Variants in METTL22 observed in about 807,000 individuals in gnomAD.
The protein encoded by METTL22 is methyltransferase 22, Kin17 lysine.
Under a neutral mutation model 48.4 loss-of-function variants are expected in METTL22, and 51 were observed. That is an observed-to-expected ratio of 1.05 (90% CI 0.84 to 1.33). The LOEUF (loss-of-function observed/expected upper bound fraction) is 1.33. METTL22 is among the 40% of genes most tolerant of loss of function. The probability of loss-of-function intolerance (pLI) is 0.00; values close to 1 mark genes in which losing one functional copy is unlikely to be tolerated. For synonymous variants in METTL22, 255 were observed against 214.1 expected (o/e 1.19, Z -1.67); for missense variants, 678 against 526.9 (o/e 1.29, Z -2.81).
intron 1 of METTL22, among the ~76,000 whole-genome samples, chr16:8,622,395 C>T (rs2141666376): frequency 6.6e-6 from 1 of 152,258 alleles, no homozygotes; most frequent in African/African-American, 2.4e-5. Context: ...CAGTCTAGCC[C>T]CCACAGCCTT....
At chr16:8,623,905 G>A (rs896196401) in intron 1 of METTL22, 3 of 152,278 alleles carry the variant, frequency 2.0e-5, no homozygotes, top group African/African-American at 7.2e-5. Context: ...GGTAGGAACA[G>A]CTCCTATAGG....
chr16:8,628,546 C>A (rs939915747), intron 2 of METTL22, among the ~76,000 whole-genome samples, 184 bp from the exon 3 acceptor site: 2 of 151,902 alleles, frequency 1.3e-5, no homozygotes, highest in Admixed American at 1.3e-4. Context: ...GGTGGTGGCC[C>A]CAGCCTCCTG....
rs376519641 is a variant in METTL22, at chr16:8,642,477, G to T, written c.922G>T (p.Asp308Tyr). 1 of 1,614,162 alleles carries T rather than the reference G, an allele frequency of 6.2e-7. No homozygotes were observed. The part of the protein sequence containing the change: ...LFAAEVFYDD[D>Y]LTDAVFKTLS... ...GCTTCCCACAGTGTTTTACGACGACGACTTGACTGATGCTGTGTTTAAAAC... is the reference window on the plus strand; with the variant it reads ...GCTTCCCACAGTGTTTTACGACGACTACTTGACTGATGCTGTGTTTAAAAC... Residue 308 changes from aspartate (D) to tyrosine (Y), a missense_variant, in exon 9 of 11, where the codon GAC becomes TAC. Coordinates refer to ENST00000381920, the MANE Select transcript of METTL22 (RefSeq NM_024109.4).
At chr16:8,645,361 G>C (rs938603183) in intron 10 of METTL22, among the ~76,000 whole-genome samples, 1 of 152,198 alleles carries the variant, frequency 6.6e-6, no homozygotes, top group Admixed American at 6.5e-5. Context: ...GTGTGGTTTT[G>C]TGTGCGAGGA....
chr16:8,643,803 G>A (rs906324272), intron 9 of METTL22, among the ~76,000 whole-genome samples: 1 of 152,110 alleles, frequency 6.6e-6, no homozygotes, highest in South Asian at 2.1e-4. Flanking sequence ...TAGTAGAAAC[G>A]GGGTTTCACC....
chr16:8,661,450 T>A, the METTL22 span, among the ~76,000 whole-genome samples: 4 of 136,866 alleles, frequency 2.9e-5, no homozygotes, highest in African/African-American at 1.1e-4. Context: ...ATCGAGACCA[T>A]CCTGGCTAAA....
chr16:8,629,801 G>A (rs1209463757), intron 3 of METTL22, among the ~76,000 whole-genome samples: 5 of 152,144 alleles, frequency 3.3e-5, no homozygotes, highest in Admixed American at 1.3e-4. Flanking sequence ...TAGAAACACC[G>A]GGAGCAGTAG....
chr16:8,638,497 G>T (rs1269029191), intron 5 of METTL22, among the ~76,000 whole-genome samples: 1 of 152,188 alleles, frequency 6.6e-6, no homozygotes, highest in African/African-American at 2.4e-5. Context: ...GTAGCAGGCG[G>T]CTGGGAGGGA....
rs1311345813 is a variant in METTL22, at chr16:8,646,671, G to T, written c.*528G>T. The stretch of plus-strand genomic sequence containing the variant: ...GAGGCAGGAGCTGGCGCCAGGAATG[G>T]ACTGGCATTGGCCTTTGTATTTAAT... On this transcript the variant is annotated 3_prime_UTR_variant, in exon 11 of 11. Coordinates refer to ENST00000381920, the MANE Select transcript of METTL22 (RefSeq NM_024109.4). 6.6e-6 allele frequency: 3 copies of T among 457,724 alleles called. No homozygotes were observed. The highest frequency in any genetic ancestry group is 8.8e-6 in the Non-Finnish European group (2 of 227,696). The allele number at this position is 457,724 out of a possible 1,614,324, so 28.4% of individuals were successfully genotyped here. A position where few individuals can be genotyped will look rare whatever the true frequency, so the allele number is the denominator to read the frequency against.
chr16:8,659,365 T>C, the METTL22 span, among the ~76,000 whole-genome samples: 234 of 150,808 alleles, frequency 1.6e-3, 1 homozygote, highest in Non-Finnish European at 2.9e-3. Flanking sequence ...ATGATAATCA[T>C]CCATCCTTCA....
the METTL22 span, among the ~76,000 whole-genome samples, chr16:8,664,348 G>A: frequency 6.6e-6 from 1 of 152,088 alleles, no homozygotes; most frequent in African/African-American, 2.4e-5. Context: ...GTTTCACCAT[G>A]TTGGCCAGGC....
intron 2 of METTL22, among the ~76,000 whole-genome samples, chr16:8,627,662 A>G (rs1422955946): frequency 2.0e-5 from 3 of 152,196 alleles, no homozygotes; most frequent in Non-Finnish European, 4.4e-5. Context: ...ATGCCCAGTC[A>G]TTAACGTGTT....
In METTL22 at chr16:8,629,978, A is replaced by G. The variant is rs546237340; in HGVS notation, c.514+868A>G. On this transcript the variant is annotated intron_variant, in intron 3 of 10. Coordinates refer to ENST00000381920, the MANE Select transcript of METTL22 (RefSeq NM_024109.4). ...GCTTGGTGGTGGTGAGCGAGCTTCG[A>G]ATCCACACAGTGTCCACACCAGGGC... 2.3e-4 allele frequency among the ~76,000 whole-genome samples: 35 copies of G among 152,138 alleles called. No individual in the cohort carries two copies. In the East Asian group the frequency reaches 6.4e-3, roughly 28 times the overall value.
intron 5 of METTL22, 66 bp downstream of exon 5, chr16:8,635,378 A>T (rs1051359398): frequency 4.8e-6 from 7 of 1,463,962 alleles, no homozygotes; most frequent in African/African-American, 2.8e-5. Context: ...CTGACTGTAT[A>T]AAAAAAGAGG....
At chr16:8,644,345 A>C in intron 9 of METTL22, 1 of 450,468 alleles carries the variant, frequency 2.2e-6, no homozygotes, top group Non-Finnish European at 4.0e-6. Context: ...CTGTTTCCAC[A>C]TCTGTAAAGT....
the METTL22 span, among the ~76,000 whole-genome samples, chr16:8,655,066 C>T: frequency 6.6e-6 from 1 of 152,216 alleles, no homozygotes; most frequent in African/African-American, 2.4e-5. Context: ...AAGCCAAGCC[C>T]TGTGTGGGGC....
rs776466269 is a variant in METTL22 at position 8,644,662 on chromosome 16, C to T, written c.1116C>T (p.Phe372=). The change falls in exon 10 of 11, where the codon TTC becomes TTT. Residue 372 remains phenylalanine, a synonymous_variant. Coordinates refer to ENST00000381920, the MANE Select transcript of METTL22 (RefSeq NM_024109.4). ...AGCTCGCAGATGGCAAGCTGCGCTTCGTGGTGGAGCCCGTGGAGGCCTCCT... is the reference window on the plus strand; with the variant it reads ...AGCTCGCAGATGGCAAGCTGCGCTTTGTGGTGGAGCCCGTGGAGGCCTCCT... The part of the protein sequence containing the change: ...LEQLADGKLR[F]VVEPVEASFP... 7 of 1,606,726 alleles carry T rather than the reference C, an allele frequency of 4.4e-6. No individual in the cohort carries two copies. The highest frequency in any genetic ancestry group is 4.2e-6 in the Non-Finnish European group (5 of 1,176,866).
At position 8,642,503 on chromosome 16, in the gene METTL22, G is replaced by T. The variant is rs374096817; in HGVS notation, c.948G>T (p.Thr316=). The T allele has an allele frequency of 6.2e-7, 1 of 1,614,158 alleles. No homozygotes were observed. ...DDDLTDAVFK[T]LSRLAHRLKN... is the part of the protein sequence containing the mutation. ...ACTTGACTGATGCTGTGTTTAAAACGCTCTCCCGACTCGCCCACAGATTGA... is the reference window on the plus strand; with the variant it reads ...ACTTGACTGATGCTGTGTTTAAAACTCTCTCCCGACTCGCCCACAGATTGA... The change falls in exon 9 of 11, where the codon ACG becomes ACT. Residue 316 remains threonine, a synonymous_variant. Coordinates refer to ENST00000381920, the MANE Select transcript of METTL22 (RefSeq NM_024109.4).
the METTL22 span, among the ~76,000 whole-genome samples, chr16:8,661,941 G>C: frequency 6.9e-6 from 1 of 144,916 alleles, no homozygotes; most frequent in African/African-American, 2.6e-5. Flanking sequence ...GAGGTCACAG[G>C]ACTCAGAAGT....
Sources: allele counts gnomAD v4.1 joint callset (sites outside exome capture counted in the v4.1 genomes callset), GRCh38; gene constraint gnomAD v4.1.1; transcripts MANE v1.5; gene names NCBI Gene and HGNC (gene_info 2026-07-23, HGNC 2026-07-21).